IL1RAPL2: variants seen among roughly 807,000 people sequenced by gnomAD.
The protein encoded by IL1RAPL2 is X-linked interleukin-1 receptor accessory protein-like 2.
A neutral mutation model predicts 44.1 loss-of-function variants in IL1RAPL2; 3 were observed. The ratio of observed to expected loss-of-function variants is 0.07; its 90% CI spans 0.03 to 0.18. IL1RAPL2 has a LOEUF of 0.18. IL1RAPL2 is among the 10% of genes least tolerant of loss of function. The pLI is 1.00. For synonymous variants in IL1RAPL2, 181 were observed against 178.8 expected (o/e 1.01, Z -0.10); for missense variants, 391 against 496.4 (o/e 0.79, Z 2.02).
chrX:104,594,707 G>T (rs1928731997), intron 1 of IL1RAPL2, among the ~76,000 whole-genome samples: 1 of 111,639 alleles, frequency 9.0e-6, no homozygotes, highest in African/African-American at 3.3e-5. Context: ...AGAGAGTAAT[G>T]GGGACAGCTA....
chrX:104,759,614 C>G lies in IL1RAPL2; in HGVS notation c.82+100619C>G, dbSNP rs188379823. On this transcript the variant is annotated intron_variant, in intron 2 of 10. Coordinates refer to ENST00000372582, the MANE Select transcript of IL1RAPL2 (RefSeq NM_017416.2). Reference sequence around the variant, plus strand: ...TTTTCTTACCTGTGAAAACCAGAGGCTTTCACTAAGTCAAGCCAATAGCAG... The same window carrying G: ...TTTTCTTACCTGTGAAAACCAGAGGGTTTCACTAAGTCAAGCCAATAGCAG... Among the ~76,000 whole-genome samples, 387 of 110,936 alleles carry G rather than the reference C, an allele frequency of 3.5e-3. 1 individual carries two copies. The highest frequency in any genetic ancestry group is 5.0e-3 in the Non-Finnish European group (266 of 52,887).
chrX:105,717,473 T>C lies in IL1RAPL2; in HGVS notation c.879T>C (p.Gly293=). 1.7e-6 allele frequency: 2 copies of C among 1,204,790 alleles called. No individual in the cohort carries two copies. Among genetic ancestry groups the C allele is most frequent in the Non-Finnish European group, 2.2e-6 (2 of 890,893 alleles). The part of the protein sequence containing the change: ...KGEKFIEELA[G]HIREGEIRLL... ...AAAAGTTTATTGAAGAACTGGCAGG[T>C]CACATTAGAGAAGGTGAAATAAGGT... The change falls in exon 7 of 11, where the codon GGT becomes GGC. Residue 293 remains glycine, a synonymous_variant. Transcript: ENST00000372582.
chrX:105,567,061 G>T (rs1001088756), intron 6 of IL1RAPL2, among the ~76,000 whole-genome samples: 1 of 111,453 alleles, frequency 9.0e-6, no homozygotes, highest in Non-Finnish European at 1.9e-5. Context: ...AATGGAGATA[G>T]AGATCAGAAG....
chrX:105,249,415 A>G (rs4645683), intron 4 of IL1RAPL2, among the ~76,000 whole-genome samples: 6,745 of 111,299 alleles, frequency 0.061, 261 homozygotes, highest in South Asian at 0.17. Flanking sequence ...GGAAAAATGA[A>G]TAATACTTAG....
At chrX:104,619,247 C>T (rs1929337663) in intron 1 of IL1RAPL2, among the ~76,000 whole-genome samples, 1 of 112,088 alleles carries the variant, frequency 8.9e-6, no homozygotes, top group African/African-American at 3.2e-5. Context: ...TTGTATGTGC[C>T]CAGATTAAAA....
intron 2 of IL1RAPL2, among the ~76,000 whole-genome samples, chrX:105,125,175 A>G (rs962846514): frequency 3.6e-5 from 4 of 110,769 alleles, no homozygotes; most frequent in African/African-American, 1.3e-4. Flanking sequence ...TGTTAAAGGT[A>G]CAATGGTTAA....
At position 105,171,755 on chromosome X, in the gene IL1RAPL2, T is replaced by C. The variant is rs147122621; in HGVS notation, c.83-23720T>C. ...GGGTGGGGGTGCTGGACAGACCTTATTAAACACACTCCCATTAATCTCTAC... is the reference window on the plus strand; with the variant it reads ...GGGTGGGGGTGCTGGACAGACCTTACTAAACACACTCCCATTAATCTCTAC... On this transcript the variant is annotated intron_variant, in intron 2 of 10. Transcript: ENST00000372582. Among the ~76,000 whole-genome samples, 670 of 110,388 alleles carry C rather than the reference T, an allele frequency of 6.1e-3. 5 individuals carry two copies. Among genetic ancestry groups the C allele is most frequent in the Middle Eastern group, 0.028 (6 of 215 alleles).
At chrX:104,669,768 C>T (rs923456006) in intron 2 of IL1RAPL2, among the ~76,000 whole-genome samples, 1 of 112,033 alleles carries the variant, frequency 8.9e-6, no homozygotes, top group African/African-American at 3.2e-5. Flanking sequence ...GAGTTACATG[C>T]ATTATTTTCC....
intron 6 of IL1RAPL2, among the ~76,000 whole-genome samples, chrX:105,604,280 G>C (rs1457104027): frequency 1.8e-5 from 2 of 110,917 alleles, no homozygotes; most frequent in Admixed American, 1.9e-4. Flanking sequence ...GAAAAAAAGA[G>C]AGAAGACACA....
chrX:105,076,828 G>C (rs1426004803), intron 2 of IL1RAPL2, among the ~76,000 whole-genome samples: 2 of 110,864 alleles, frequency 1.8e-5, no homozygotes, highest in Non-Finnish European at 3.8e-5. Context: ...GATCTTTGTT[G>C]GTTTAAAGTC....
rs761676417 is a variant in IL1RAPL2 at position 105,157,135 on chromosome X, T to C, written c.83-38340T>C. On this transcript the variant is annotated intron_variant, in intron 2 of 10. Coordinates refer to ENST00000372582, the MANE Select transcript of IL1RAPL2 (RefSeq NM_017416.2). ...AAAAAAAAAAAAAAAAGATCTTTCC[T>C]TTTTTTAAAAAAAGCATATGCCATG... Among the ~76,000 whole-genome samples the C allele has an allele frequency of 4.9e-3, 541 of 109,586 alleles. 3 individuals are homozygous for C. Among genetic ancestry groups the C allele is most frequent in the Middle Eastern group, 9.5e-3 (2 of 210 alleles).
intron 5 of IL1RAPL2, among the ~76,000 whole-genome samples, chrX:105,450,043 A>C (rs1258359832): frequency 8.9e-6 from 1 of 111,946 alleles, no homozygotes; most frequent in Non-Finnish European, 1.9e-5. Flanking sequence ...ATTGGAGTCA[A>C]AAACCTTAGC....
intron 2 of IL1RAPL2, among the ~76,000 whole-genome samples, chrX:104,671,376 C>A (rs1184603585): frequency 2.7e-5 from 3 of 111,692 alleles, no homozygotes; most frequent in Non-Finnish European, 5.6e-5. Flanking sequence ...TTATCTTATG[C>A]TTTTCTTCAC....
At chrX:105,083,838 C>G (rs747173383) in intron 2 of IL1RAPL2, among the ~76,000 whole-genome samples, 1 of 111,938 alleles carries the variant, frequency 8.9e-6, no homozygotes, top group East Asian at 2.8e-4. Flanking sequence ...AAAAGAAGAC[C>G]GGTACCAGCC....
chrX:105,080,516 A>G (rs2032388804), intron 2 of IL1RAPL2, among the ~76,000 whole-genome samples: 1 of 111,581 alleles, frequency 9.0e-6, no homozygotes. Flanking sequence ...TTTGTCAAAG[A>G]TCAGATGGTT....
intron 4 of IL1RAPL2, among the ~76,000 whole-genome samples, chrX:105,252,335 G>A (rs1167407328): frequency 1.8e-5 from 2 of 111,653 alleles, no homozygotes; most frequent in Non-Finnish European, 3.8e-5. Context: ...ACTAATTGAT[G>A]ACCATTTGGA....
At chrX:105,273,564 T>G (rs2034463631) in intron 5 of IL1RAPL2, among the ~76,000 whole-genome samples, 1 of 112,255 alleles carries the variant, frequency 8.9e-6, no homozygotes, top group Admixed American at 9.5e-5. Context: ...AAGGAATGTG[T>G]GCTCAGAGAA....
chrX:105,538,203 A>AT (rs1396033884), intron 6 of IL1RAPL2, among the ~76,000 whole-genome samples: 2 of 107,777 alleles, frequency 1.9e-5, no homozygotes. Flanking sequence ...CGCCCGGCTA[A>AT]TTTTTTGTAT....
intron 5 of IL1RAPL2, among the ~76,000 whole-genome samples, chrX:105,355,859 G>A (rs1030741789): frequency 9.1e-6 from 1 of 110,298 alleles, no homozygotes; most frequent in Admixed American, 9.8e-5. Flanking sequence ...TTTCTTACAG[G>A]GTCGCGGGTA....
Sources: allele counts gnomAD v4.1 joint callset (sites outside exome capture counted in the v4.1 genomes callset), GRCh38; gene constraint gnomAD v4.1.1; transcripts MANE v1.5; gene names NCBI Gene and HGNC (gene_info 2026-07-23, HGNC 2026-07-21).